ZC3H12C: variants seen among roughly 807,000 people sequenced by gnomAD.
ZC3H12C encodes probable ribonuclease ZC3H12C.
Under a neutral mutation model 76.3 loss-of-function variants are expected in ZC3H12C, and 20 were observed. The ratio of observed to expected loss-of-function variants is 0.26; its 90% CI spans 0.18 to 0.38. The LOEUF is 0.38. Among genes scored for constraint, ZC3H12C ranks in the 10% least tolerant of loss-of-function variants. The pLI is 1.00. For synonymous variants in ZC3H12C, 352 were observed against 399.6 expected, an observed-to-expected ratio of 0.88 and a Z score of 1.42; for missense variants, 874 against 1,086.5, an observed-to-expected ratio of 0.80 and a Z score of 2.75.
intron 1 of ZC3H12C, chr11:110,131,199 A>T: frequency 1.0e-6 from 1 of 970,156 alleles, no homozygotes; most frequent in Non-Finnish European, 1.6e-6. Context: ...ATCACCTCCA[A>T]TGAAAGTCTA....
At position 110,154,834 on chromosome 11, in the gene ZC3H12C, T is replaced by TAAAA. The variant is rs5794671; in HGVS notation, c.913+1791_913+1794dup. Among the ~76,000 whole-genome samples the TAAAA allele has an allele frequency of 1.6e-4, 11 of 69,846 alleles. 2 individuals are homozygous for TAAAA. The highest frequency in any genetic ancestry group is 5.1e-4 in the East Asian group (1 of 1,944). 45.8% of individuals were successfully genotyped at this position (69,846 alleles called of 152,430 possible). A position where few individuals can be genotyped will look rare whatever the true frequency, so the allele number is the denominator to read the frequency against. On this transcript the variant is annotated intron_variant, in intron 3 of 5. Transcript: ENST00000278590. ...ATACAAAGAGCTCATACAGCTTGAT[T>TAAAA]AAAAAAAAAAAAAAAAAACTTCTTT...
intron 1 of ZC3H12C, among the ~76,000 whole-genome samples, chr11:110,106,593 G>T (rs1031615090): frequency 3.3e-5 from 5 of 152,110 alleles, no homozygotes; most frequent in Admixed American, 2.6e-4. Flanking sequence ...TCATGGTAAT[G>T]GTTGTAGAGA....
chr11:110,114,527 A>G (rs951186899), intron 1 of ZC3H12C, among the ~76,000 whole-genome samples: 1 of 152,240 alleles, frequency 6.6e-6, no homozygotes, highest in Admixed American at 6.5e-5. Context: ...CATAGTAGGC[A>G]TTCAGATAAA....
intron 1 of ZC3H12C, among the ~76,000 whole-genome samples, chr11:110,125,168 G>A (rs1861716890): frequency 6.6e-6 from 1 of 152,086 alleles, no homozygotes; most frequent in African/African-American, 2.4e-5. Flanking sequence ...CGGAAGCCAA[G>A]CAATACATAA....
intron 4 of ZC3H12C, among the ~76,000 whole-genome samples, chr11:110,161,721 C>T (rs1862485100): frequency 6.6e-6 from 1 of 152,154 alleles, no homozygotes; most frequent in South Asian, 2.1e-4. Flanking sequence ...GTGTTCATTT[C>T]TGTATTATTT....
At chr11:110,126,578 A>G (rs1255081321) in intron 1 of ZC3H12C, among the ~76,000 whole-genome samples, 2 of 152,146 alleles carry the variant, frequency 1.3e-5, no homozygotes, top group Non-Finnish European at 2.9e-5. Flanking sequence ...GGAGGTAACT[A>G]TATCATGGTG....
intron 4 of ZC3H12C, among the ~76,000 whole-genome samples, chr11:110,161,503 T>A (rs767074507): frequency 9.2e-5 from 14 of 152,242 alleles, no homozygotes; most frequent in Admixed American, 7.2e-4. Flanking sequence ...GTTCACCTCT[T>A]GTGCTAATTA....
chr11:110,111,536 G>A (rs747721805), intron 1 of ZC3H12C, among the ~76,000 whole-genome samples: 16 of 114,978 alleles, frequency 1.4e-4, no homozygotes, highest in Admixed American at 3.3e-4. Context: ...TGCTTCCCCA[G>A]TAGCTTTTTT....
chr11:110,126,936 G>T lies in ZC3H12C; in HGVS notation c.22-9727G>T, dbSNP rs867795362. Among the ~76,000 whole-genome samples, 21 of 152,132 alleles carry T rather than the reference G, an allele frequency of 1.4e-4. 1 individual carries two copies. The highest frequency in any genetic ancestry group is 3.4e-3 in the Middle Eastern group (1 of 294). On this transcript the variant is annotated intron_variant, in intron 1 of 5. Transcript: ENST00000278590. ...TGATTTATTTTAAACATATGATCTT[G>T]ATTACAGTTGAGATCTTTTTTCTTA...
chr11:110,122,421 A>G lies in ZC3H12C; in HGVS notation c.22-14242A>G, dbSNP rs537419096. On this transcript the variant is annotated intron_variant, in intron 1 of 5. Transcript: ENST00000278590. ...ATTTTGTTAACATGAGTGATAATCA[A>G]TCATGTGCCTTCTGCTTTTAAAAAA... is the stretch of plus-strand genomic sequence containing the variant. 2.0e-4 allele frequency among the ~76,000 whole-genome samples: 30 copies of G among 152,236 alleles called. No individual in the cohort carries two copies. The South Asian group carries it at 3.7e-3, about 19-fold the overall frequency.
At chr11:110,143,192 C>A (rs573696313) in intron 2 of ZC3H12C, among the ~76,000 whole-genome samples, 3 of 152,228 alleles carry the variant, frequency 2.0e-5, no homozygotes, top group Middle Eastern at 3.4e-3. Context: ...TTTAATTGGA[C>A]TACAATGAGA....
chr11:110,147,119 G>A (rs1189795689), intron 2 of ZC3H12C, among the ~76,000 whole-genome samples: 2 of 152,148 alleles, frequency 1.3e-5, no homozygotes, highest in East Asian at 1.9e-4. Context: ...TGCCTCCACC[G>A]TGCCTGTTCC....
At chr11:110,127,890 AC>A (rs1861781117) in intron 1 of ZC3H12C, among the ~76,000 whole-genome samples, 3 of 145,904 alleles carry the variant, frequency 2.1e-5, no homozygotes, top group Admixed American at 1.5e-4. Context: ...AGTGAGACTT[AC>A]TCTCAAAAAA....
At chr11:110,116,835 T>C (rs1035697279) in intron 1 of ZC3H12C, among the ~76,000 whole-genome samples, 1 of 152,222 alleles carries the variant, frequency 6.6e-6, no homozygotes, top group Admixed American at 6.5e-5. Flanking sequence ...TTAAGTAACT[T>C]GTGCAGGTTG....
chr11:110,128,081 G>A (rs1271297963), intron 1 of ZC3H12C, among the ~76,000 whole-genome samples: 1 of 150,980 alleles, frequency 6.6e-6, no homozygotes, highest in Non-Finnish European at 1.5e-5. Context: ...ACCCACCCAT[G>A]GCAAAGACAG....
chr11:110,149,175 G>A (rs566853044), intron 2 of ZC3H12C, among the ~76,000 whole-genome samples: 4 of 152,266 alleles, frequency 2.6e-5, no homozygotes, highest in Non-Finnish European at 4.4e-5. Flanking sequence ...CAACAGCAGC[G>A]ATTCTAGAGA....
At chr11:110,127,260 G>T (rs1028221398) in intron 1 of ZC3H12C, among the ~76,000 whole-genome samples, 1 of 152,114 alleles carries the variant, frequency 6.6e-6, no homozygotes. Flanking sequence ...AATTCATACA[G>T]GCAATATTCT....
At chr11:110,118,095 T>TAC (rs34649297) in intron 1 of ZC3H12C, among the ~76,000 whole-genome samples, 19,474 of 51,832 alleles carry the variant, frequency 0.38, 5,910 homozygotes, top group African/African-American at 0.6. Flanking sequence ...TATATACACA[T>TAC]ACACACACAT....
At chr11:110,123,945 T>C (rs1007997322) in intron 1 of ZC3H12C, 3 of 152,242 alleles carry the variant, frequency 2.0e-5, no homozygotes, top group Non-Finnish European at 2.9e-5. Context: ...GAATTAGATT[T>C]AACCATCCAG....
Sources: gnomAD v4.1 joint callset for allele counts (sites outside exome capture counted in the v4.1 genomes callset) on GRCh38, gnomAD v4.1.1 for gene constraint, MANE v1.5 for transcripts, NCBI Gene and HGNC (gene_info 2026-07-23, HGNC 2026-07-21) for gene names.